Variants in ADCY5 observed in about 807,000 individuals in gnomAD.
ADCY5 encodes the protein adenylate cyclase 5.
ADCY5 carries 30 observed loss-of-function variants against 119.7 expected under a neutral mutation model. That is an observed-to-expected ratio of 0.25 (90% CI 0.19 to 0.34). The LOEUF (loss-of-function observed/expected upper bound fraction) is 0.34, where lower values mean the gene tolerates loss of function less well. ADCY5 is among the 10% of genes least tolerant of loss of function. ADCY5 has a pLI of 1.00. For missense variants in ADCY5, 1,324 were observed against 1,775.2 expected (o/e 0.75, Z 4.57); for synonymous variants, 753 against 762.2 (o/e 0.99, Z 0.20).
intron 1 of ADCY5, among the ~76,000 whole-genome samples, chr3:123,399,898 A>T (rs1944706749): frequency 6.6e-6 from 1 of 152,232 alleles, no homozygotes; most frequent in Non-Finnish European, 1.5e-5. Flanking sequence ...AATATCCCCA[A>T]GTCAACAGGT....
Position 123,410,401 on chromosome 3 carries a change from G to A in ADCY5, c.1134+37011C>T, listed in dbSNP as rs142252637. Reference sequence around the variant, plus strand: ...GCCTGGGGCCACCCCGTACCTCCCAGGCATAAGTAGGAATGGTAGAGCCAT... The same window carrying A: ...GCCTGGGGCCACCCCGTACCTCCCAAGCATAAGTAGGAATGGTAGAGCCAT... On this transcript the variant is annotated intron_variant, in intron 1 of 20. Transcript: ENST00000462833. Among the ~76,000 whole-genome samples the A allele has an allele frequency of 2.1e-3, 323 of 151,296 alleles. 2 individuals are homozygous for A. The highest frequency in any genetic ancestry group is 3.3e-3 in the Non-Finnish European group (224 of 67,872).
chr3:123,323,785 G>A (rs959363525), intron 8 of ADCY5, among the ~76,000 whole-genome samples: 12 of 151,898 alleles, frequency 7.9e-5, no homozygotes, highest in Non-Finnish European at 1.0e-4. Flanking sequence ...TCAGCCTCCC[G>A]AGTAGCTAGG....
intron 19 of ADCY5, among the ~76,000 whole-genome samples, chr3:123,287,323 A>T (rs886575648): frequency 3.3e-5 from 5 of 152,032 alleles, no homozygotes; most frequent in Non-Finnish European, 5.9e-5. Flanking sequence ...TCCTCTGCCC[A>T]CTTTCCCAAT....
chr3:123,364,140 T>G (rs1317779654), intron 1 of ADCY5, among the ~76,000 whole-genome samples: 2 of 152,216 alleles, frequency 1.3e-5, no homozygotes, highest in Non-Finnish European at 2.9e-5. Flanking sequence ...GGATGATAAG[T>G]GCTTTTTTAC....
intron 1 of ADCY5, among the ~76,000 whole-genome samples, chr3:123,404,974 C>T (rs1466357191): frequency 6.6e-6 from 1 of 152,246 alleles, no homozygotes; most frequent in Non-Finnish European, 1.5e-5. Context: ...GGGGTCTCAG[C>T]ACCTAACTCT....
intron 12 of ADCY5, among the ~76,000 whole-genome samples, chr3:123,305,237 C>T (rs1940136450): frequency 6.6e-6 from 1 of 152,188 alleles, no homozygotes; most frequent in African/African-American, 2.4e-5. Flanking sequence ...GTCTCTACCC[C>T]AATCATGGGC....
chr3:123,410,035 G>C (rs1383752537), intron 1 of ADCY5, among the ~76,000 whole-genome samples: 3 of 152,202 alleles, frequency 2.0e-5, no homozygotes, highest in African/African-American at 7.2e-5. Flanking sequence ...ACTGAGACCT[G>C]TGTTCCCTGA....
intron 5 of ADCY5, among the ~76,000 whole-genome samples, chr3:123,329,938 C>T (rs1021120871): frequency 4.6e-5 from 7 of 152,224 alleles, no homozygotes; most frequent in African/African-American, 1.7e-4. Flanking sequence ...ACTCCACGGC[C>T]ACCTCCTTCA....
chr3:123,373,700 C>T (rs1236721407), intron 1 of ADCY5, among the ~76,000 whole-genome samples: 1 of 148,916 alleles, frequency 6.7e-6, no homozygotes, highest in Non-Finnish European at 1.5e-5. Flanking sequence ...CTGGGCCCGG[C>T]TTTCATCACC....
chr3:123,434,339 A>G (rs183066893), intron 1 of ADCY5, among the ~76,000 whole-genome samples: 13 of 152,346 alleles, frequency 8.5e-5, no homozygotes, highest in African/African-American at 2.9e-4. Context: ...CCTCACCTGC[A>G]TTAAATTGTT....
At chr3:123,302,174 AG>A (rs1167107907) in intron 14 of ADCY5, among the ~76,000 whole-genome samples, 1 of 152,216 alleles carries the variant, frequency 6.6e-6, no homozygotes, top group Non-Finnish European at 1.5e-5. Flanking sequence ...ACCCATAGGG[AG>A]CTGGGGGTTT....
At chr3:123,289,544 C>T (rs1939006890) in intron 19 of ADCY5, among the ~76,000 whole-genome samples, 1 of 152,256 alleles carries the variant, frequency 6.6e-6, no homozygotes, top group Non-Finnish European at 1.5e-5. Flanking sequence ...AGAGGCATCG[C>T]CAGGCTCTGG....
intron 1 of ADCY5, among the ~76,000 whole-genome samples, chr3:123,388,615 A>C (rs1434853757): frequency 6.6e-6 from 1 of 152,188 alleles, no homozygotes; most frequent in Non-Finnish European, 1.5e-5. Context: ...GCTGGAAGAA[A>C]AGAGCCCAAG....
Position 123,299,006 on chromosome 3 carries a change from G to C in ADCY5, c.2900+1114C>G, listed in dbSNP as rs542260756. ...GCTTCAGGGAGGTCTTGTGATTTAC[G>C]GCAATATCCTGCCCGAGTGAAGAAT... On this transcript the variant is annotated intron_variant, in intron 15 of 20. Coordinates refer to ENST00000462833, the MANE Select transcript of ADCY5 (RefSeq NM_183357.3). Among the ~76,000 whole-genome samples the C allele has an allele frequency of 1.0e-3, 159 of 152,054 alleles. 1 individual carries two copies. The highest frequency in any genetic ancestry group is 1.9e-3 in the Non-Finnish European group (127 of 67,980).
chr3:123,301,549 C>T (rs943761927), intron 14 of ADCY5, among the ~76,000 whole-genome samples: 5 of 152,224 alleles, frequency 3.3e-5, no homozygotes, highest in African/African-American at 1.2e-4. Context: ...GCTGGGGACC[C>T]CCCAGGGTCT....
In ADCY5 at chr3:123,327,756, G is replaced by C. The variant is rs1248384945; in HGVS notation, c.1809C>G (p.Arg603=). The part of the protein sequence containing the change: ...NHMEAGGKAG[R]IHITKATLNY... ...TGAGTGTAGCCTTGGTGATGTGGAT[G>C]CGTCTACAGGGGGGCAGGGATCAGG... The change falls in exon 7 of 21, where the codon CGC becomes CGG. Residue 603 remains arginine, a synonymous_variant. Coordinates refer to ENST00000462833, the MANE Select transcript of ADCY5 (RefSeq NM_183357.3). 1.9e-6 allele frequency: 3 copies of C among 1,613,954 alleles called. No homozygotes were observed. The highest frequency in any genetic ancestry group is 2.5e-6 in the Non-Finnish European group (3 of 1,180,000).
At position 123,327,687 on chromosome 3, in the gene ADCY5, G is replaced by A. The variant is rs759483120; in HGVS notation, c.1878C>T (p.Gly626=). The A allele has an allele frequency of 5.0e-6, 8 of 1,614,038 alleles. No homozygotes were observed. Among genetic ancestry groups the A allele is most frequent in the South Asian group, 2.2e-5 (2 of 91,066 alleles). ...GCTCCTTGAGGTAGGCGTTGCGCTC[G>A]CCCCCACAGCCTGGCTCCACCTCGT... The part of the protein sequence containing the change: ...GDYEVEPGCG[G]ERNAYLKEHS... Residue 626 remains glycine (G), a synonymous_variant, in exon 7 of 21, where the codon GGC becomes GGT. Transcript: ENST00000462833.
intron 11 of ADCY5, among the ~76,000 whole-genome samples, chr3:123,316,838 T>A (rs564179605): frequency 1.5e-3 from 226 of 152,230 alleles, no homozygotes; most frequent in African/African-American, 5.3e-3. Context: ...TATATTGAGG[T>A]TTTTAGGGGT....
chr3:123,352,710 C>T lies in ADCY5; in HGVS notation c.1135-129G>A. 1 of 1,115,104 alleles carries T rather than the reference C, an allele frequency of 9.0e-7. No individual in the cohort carries two copies. Among genetic ancestry groups the T allele is most frequent in the South Asian group, 1.7e-5 (1 of 60,244 alleles). 69.1% of individuals were successfully genotyped at this position (1,115,104 alleles called of 1,614,324 possible). A position where few individuals can be genotyped will look rare whatever the true frequency, so the allele number is the denominator to read the frequency against. ...GCAAACAAATGCTGAGGGCACCCCA[C>T]ACGCGGCCAACCACTGTGAGCAGCC... On this transcript the variant is annotated intron_variant, in intron 1 of 20. Transcript: ENST00000462833. The surrounding 1 kb of genome is among the most constrained non-coding windows in gnomAD (Gnocchi z 4.8).
Sources: allele counts gnomAD v4.1 joint callset (sites outside exome capture counted in the v4.1 genomes callset), GRCh38; gene constraint gnomAD v4.1.1; non-coding constraint Gnocchi (gnomAD v3.1); transcripts MANE v1.5; gene names NCBI Gene and HGNC (gene_info 2026-07-23, HGNC 2026-07-21).